TMEM245: variants seen among roughly 807,000 people sequenced by gnomAD.
The protein encoded by TMEM245 is protein CG-2.
In TMEM245, 69 loss-of-function variants were observed where a neutral mutation model predicts 101.2. That is an observed-to-expected ratio of 0.68 (90% confidence interval 0.56 to 0.83). TMEM245 has a LOEUF of 0.83. Among genes scored for constraint, TMEM245 ranks in the 40% least tolerant of loss-of-function variants. The pLI, the probability that TMEM245 is intolerant of heterozygous loss-of-function variation, is 0.00. For missense variants in TMEM245, 1,075 were observed against 1,092.8 expected (o/e 0.98, Z 0.23); for synonymous variants, 537 against 449.8 (o/e 1.19, Z -2.45).
chr9:109,030,096 C>A (rs1827903078), intron 17 of TMEM245, among the ~76,000 whole-genome samples: 1 of 152,130 alleles, frequency 6.6e-6, no homozygotes, highest in Non-Finnish European at 1.5e-5. Flanking sequence ...TAACTTCTAA[C>A]CTTCCAAGTC....
intron 17 of TMEM245, among the ~76,000 whole-genome samples, chr9:109,025,540 A>G (rs1202104031): frequency 6.6e-6 from 1 of 152,236 alleles, no homozygotes; most frequent in Non-Finnish European, 1.5e-5. Flanking sequence ...TCAAGGTGTA[A>G]CAGAGGGCAA....
At chr9:109,060,093 G>A (rs369857595) in intron 11 of TMEM245, among the ~76,000 whole-genome samples, 4 of 152,238 alleles carry the variant, frequency 2.6e-5, no homozygotes, top group African/African-American at 7.2e-5. Flanking sequence ...CACTTCTCCC[G>A]CACAGAGCTA....
chr9:109,073,844 CT>C (rs1286950802), intron 8 of TMEM245, among the ~76,000 whole-genome samples: 34 of 121,554 alleles, frequency 2.8e-4, no homozygotes, highest in African/African-American at 4.3e-4. Context: ...AAGGAACTAA[CT>C]TTTTTTTTTT....
intron 14 of TMEM245, among the ~76,000 whole-genome samples, chr9:109,046,888 G>A (rs1179579269): frequency 6.6e-6 from 1 of 152,130 alleles, no homozygotes; most frequent in African/African-American, 2.4e-5. Flanking sequence ...CTCTTAGAAA[G>A]AGAACTCACT....
chr9:109,085,909 C>T, intron 7 of TMEM245, 88 bp downstream of exon 7: 1 of 1,426,786 alleles, frequency 7.0e-7, no homozygotes, highest in Non-Finnish European at 9.9e-7. Flanking sequence ...CTTAGTTTGA[C>T]ACATGGACAG....
intron 7 of TMEM245, among the ~76,000 whole-genome samples, chr9:109,084,722 C>A (rs1443669974): frequency 1.3e-5 from 2 of 152,164 alleles, no homozygotes; most frequent in African/African-American, 4.8e-5. Flanking sequence ...AAACCACATT[C>A]TTTGGTCAAA....
chr9:109,081,028 A>G (rs950657543), intron 7 of TMEM245, 85 bp from the exon 8 acceptor site: 4 of 902,706 alleles, frequency 4.4e-6, no homozygotes, highest in Non-Finnish European at 6.9e-6. Flanking sequence ...AAGACAAAAC[A>G]GGATCTCCAG....
chr9:109,081,212 G>A (rs1829657076), intron 7 of TMEM245, among the ~76,000 whole-genome samples: 2 of 152,014 alleles, frequency 1.3e-5, no homozygotes. Context: ...TCAAACTATA[G>A]GATATCTATG....
intron 1 of TMEM245, among the ~76,000 whole-genome samples, chr9:109,109,364 C>T (rs1455588552): frequency 6.6e-6 from 1 of 151,204 alleles, no homozygotes; most frequent in East Asian, 1.9e-4. Flanking sequence ...TAATCCAGAA[C>T]ACATCTGAGC....
intron 7 of TMEM245, among the ~76,000 whole-genome samples, chr9:109,085,784 G>A (rs889052788): frequency 2.0e-5 from 3 of 152,178 alleles, no homozygotes; most frequent in Non-Finnish European, 4.4e-5. Flanking sequence ...CCTGAGCAAG[G>A]AGATACCATC....
intron 3 of TMEM245, among the ~76,000 whole-genome samples, chr9:109,102,072 T>G (rs1301237659): frequency 6.6e-6 from 1 of 152,136 alleles, no homozygotes; most frequent in Non-Finnish European, 1.5e-5. Flanking sequence ...CACTTGCCAT[T>G]AGGTGAAAGA....
chr9:109,050,731 C>G (rs375057479), intron 12 of TMEM245, 39 bp from the exon 13 acceptor site: 174 of 1,606,302 alleles, frequency 1.1e-4, no homozygotes, highest in Non-Finnish European at 1.2e-4. Context: ...AACCAATCCT[C>G]ATGAAAAAAG....
chr9:109,047,185 T>G (rs1357768330), intron 14 of TMEM245, among the ~76,000 whole-genome samples: 1 of 152,168 alleles, frequency 6.6e-6, no homozygotes, highest in East Asian at 1.9e-4. Context: ...TTGTTAAAAT[T>G]TTTTCTGTAT....
At chr9:109,048,733 G>C (rs1159925662) in intron 14 of TMEM245, among the ~76,000 whole-genome samples, 1 of 152,154 alleles carries the variant, frequency 6.6e-6, no homozygotes, top group African/African-American at 2.4e-5. Flanking sequence ...AAATGATGAA[G>C]AGGAAAAGAT....
chr9:109,038,048 C>G lies in TMEM245; in HGVS notation c.2193G>C (p.Met731Ile), dbSNP rs1206241773. 6.2e-7 allele frequency: 1 copy of G among 1,612,592 alleles called. No homozygotes were observed. The highest frequency in any genetic ancestry group is 8.5e-7 in the Non-Finnish European group (1 of 1,179,420). ...GTATGAAGACAATATTGATGCCAAA[C>G]ATAGTATGAGTCAGCCAGGTATACA... ...YGLYTWLTHTMFGINIVFIPS... is the reference protein window; with the variant it reads ...YGLYTWLTHTIFGINIVFIPS... Residue 731 changes from methionine (M) to isoleucine (I), a missense_variant, in exon 15 of 18, where the codon ATG (methionine) becomes ATC (isoleucine). Physicochemically the swap from Met to Ile is conservative, Grantham distance 10. This residue lies in a region of TMEM245 where 267 missense variants were observed against 351.3 expected (regional missense o/e 0.76). Transcript: ENST00000374586.
chr9:109,077,290 A>G (rs939999951), intron 8 of TMEM245, among the ~76,000 whole-genome samples: 2 of 152,036 alleles, frequency 1.3e-5, no homozygotes, highest in Non-Finnish European at 2.9e-5. Context: ...AGCTGGGACT[A>G]CAGGCTTAAG....
At chr9:109,025,868 T>C (rs1003774921) in intron 17 of TMEM245, among the ~76,000 whole-genome samples, 2 of 152,228 alleles carry the variant, frequency 1.3e-5, no homozygotes, top group African/African-American at 4.8e-5. Context: ...CTGTATCCAC[T>C]ACATTCTCAC....
At chr9:109,060,278 T>C (rs1165674730) in intron 11 of TMEM245, 76 bp downstream of exon 11, 8 of 1,051,822 alleles carry the variant, frequency 7.6e-6, no homozygotes, top group Non-Finnish European at 9.8e-6. Flanking sequence ...ACTGTGAATA[T>C]AATCCTATCT....
chr9:109,104,699 G>C (rs1240477548), intron 3 of TMEM245, among the ~76,000 whole-genome samples: 1 of 152,186 alleles, frequency 6.6e-6, no homozygotes, highest in Non-Finnish European at 1.5e-5. Flanking sequence ...ATATAGATCA[G>C]TGAAACACAA....
Sources: gnomAD v4.1 joint callset for allele counts (sites outside exome capture counted in the v4.1 genomes callset) on GRCh38, gnomAD v4.1.1 for gene constraint, gnomAD v4.1.1 regional missense constraint, MANE v1.5 for transcripts, NCBI Gene and HGNC (gene_info 2026-07-23, HGNC 2026-07-21) for gene names.